The following PCDH11X variants were observed in gnomAD, a reference collection of about 807,000 sequenced individuals.
PCDH11X encodes the protein protocadherin 11 X-linked.
PCDH11X carries 18 observed loss-of-function variants against 53.3 expected under a neutral mutation model. That is an observed-to-expected ratio of 0.34 (90% CI 0.23 to 0.50). PCDH11X has a LOEUF of 0.50. Ranked by LOEUF, PCDH11X falls within the 20% of genes least tolerant of loss-of-function variation. The pLI is 0.98. For synonymous variants in PCDH11X, 279 were observed against 393.3 expected (o/e 0.71, Z 3.44); for missense variants, 570 against 1,032.4 (o/e 0.55, Z 6.14).
chrX:92,138,575 AAATAT>A (rs2065122439), intron 6 of PCDH11X, among the ~76,000 whole-genome samples: 1 of 111,129 alleles, frequency 9.0e-6, no homozygotes, highest in Admixed American at 9.7e-5. Context: ...ATATAATATC[AAATAT>A]AATATATTCT....
chrX:92,130,689 C>T (rs2064956637), intron 6 of PCDH11X, among the ~76,000 whole-genome samples: 1 of 108,201 alleles, frequency 9.2e-6, no homozygotes. Flanking sequence ...GAATCAGTAT[C>T]AATATTATTA....
intron 10 of PCDH11X, among the ~76,000 whole-genome samples, chrX:92,576,009 TATAC>T (rs1379437041): frequency 1.2e-3 from 35 of 30,410 alleles, no homozygotes; most frequent in African/African-American, 6.0e-3. Context: ...TATATATATA[TATAC>T]ACACACACAC....
At chrX:92,321,525 T>C (rs2069209609) in intron 8 of PCDH11X, among the ~76,000 whole-genome samples, 1 of 111,610 alleles carries the variant, frequency 9.0e-6, no homozygotes, top group South Asian at 3.7e-4. Context: ...GCTTATCTCA[T>C]GGCCAGTGCT....
intron 9 of PCDH11X, chrX:92,460,525 T>C (rs953143435): frequency 8.7e-4 from 615 of 710,538 alleles, no homozygotes; most frequent in Non-Finnish European, 9.9e-4. Context: ...CCGCCGAGGT[T>C]GGAGCTGCTG....
chrX:91,882,467 CA>C (rs1939957990), intron 6 of PCDH11X, among the ~76,000 whole-genome samples: 1 of 111,020 alleles, frequency 9.0e-6, no homozygotes, highest in African/African-American at 3.3e-5. Flanking sequence ...GAAGACTATA[CA>C]TTTTAAAAAA....
intron 6 of PCDH11X, among the ~76,000 whole-genome samples, chrX:92,200,357 C>G (rs945063457): frequency 9.0e-6 from 1 of 111,534 alleles, no homozygotes; most frequent in Non-Finnish European, 1.9e-5. Flanking sequence ...CTATGGAAAA[C>G]AGTAAGGATG....
intron 6 of PCDH11X, chrX:91,884,155 C>T (rs1307596450): frequency 1.1e-5 from 1 of 88,911 alleles, no homozygotes; most frequent in Non-Finnish European, 2.1e-5. Context: ...CGTGCCGTTG[C>T]ACTCCAGCGT....
In PCDH11X at chrX:91,972,274, C is replaced by T. The variant is rs756144022; in HGVS notation, c.3033+93001C>T. 1.8e-3 allele frequency among the ~76,000 whole-genome samples: 172 copies of T among 98,070 alleles called. 2 individuals are homozygous for T. Among genetic ancestry groups the T allele is most frequent in the Middle Eastern group, 5.1e-3 (1 of 197 alleles). The allele number at this position is 98,070 out of a possible 115,157, so 85.2% of individuals were successfully genotyped here. On this transcript the variant is annotated intron_variant, in intron 6 of 10. Coordinates refer to ENST00000682573, the MANE Select transcript of PCDH11X (RefSeq NM_032968.5). ...TTGAGAAGTGTCTGTTCATGTCCTT[C>T]GCCCACTTTTTGATGGGGTTGTTTG...
At chrX:91,959,549 T>G (rs2061757946) in intron 6 of PCDH11X, among the ~76,000 whole-genome samples, 1 of 106,614 alleles carries the variant, frequency 9.4e-6, no homozygotes. Flanking sequence ...TCATGCAGTA[T>G]TTTTCTTTCT....
chrX:92,355,679 A>T (rs1319349734), intron 8 of PCDH11X, among the ~76,000 whole-genome samples: 1 of 106,996 alleles, frequency 9.3e-6, no homozygotes, highest in African/African-American at 3.4e-5. Context: ...CAAATATCAT[A>T]GGAGCTATTA....
At chrX:92,093,018 T>A (rs2064074858) in intron 6 of PCDH11X, among the ~76,000 whole-genome samples, 1 of 111,621 alleles carries the variant, frequency 9.0e-6, no homozygotes, top group Non-Finnish European at 1.9e-5. Context: ...CCACTCACTC[T>A]CTTCCTCCTC....
Position 92,611,459 on chromosome X carries a change from T to G in PCDH11X, c.3368-6805T>G, listed in dbSNP as rs1411585674. ...TTTTGTATGCTGAAACTTTGCTAAA[T>G]CTTTTGTGTTCCAGGAGCCTTTCAA... On this transcript the variant is annotated intron_variant, in intron 10 of 10. Transcript: ENST00000682573. Among the ~76,000 whole-genome samples the G allele has an allele frequency of 3.6e-5, 4 of 110,422 alleles. No homozygotes were observed. In the East Asian group the frequency reaches 1.1e-3, roughly 31 times the overall value.
At chrX:92,032,964 G>A (rs1469309977) in intron 6 of PCDH11X, among the ~76,000 whole-genome samples, 4 of 106,422 alleles carry the variant, frequency 3.8e-5, no homozygotes, top group East Asian at 3.0e-4. Flanking sequence ...ACAGGTGTTC[G>A]CCACCATGCC....
At chrX:91,795,259 T>G (rs936411868) in intron 1 of PCDH11X, among the ~76,000 whole-genome samples, 1 of 111,739 alleles carries the variant, frequency 8.9e-6, no homozygotes, top group African/African-American at 3.3e-5. Context: ...TTAACGTGTG[T>G]TTTCCAGAAG....
intron 6 of PCDH11X, among the ~76,000 whole-genome samples, chrX:91,991,152 G>A (rs1210802332): frequency 9.7e-6 from 1 of 103,468 alleles, no homozygotes; most frequent in East Asian, 3.1e-4. Flanking sequence ...CGGGGGCTGG[G>A]GGCTAAGGAT....
intron 10 of PCDH11X, among the ~76,000 whole-genome samples, chrX:92,597,435 A>G (rs967810399): frequency 8.1e-5 from 9 of 111,637 alleles, no homozygotes; most frequent in African/African-American, 2.9e-4. Flanking sequence ...TAATAGCCAC[A>G]CATAAAACTA....
chrX:92,584,493 A>G (rs756045612), intron 10 of PCDH11X, among the ~76,000 whole-genome samples: 3 of 111,611 alleles, frequency 2.7e-5, no homozygotes, highest in East Asian at 2.8e-4. Flanking sequence ...TTTTTCCCAA[A>G]GAAATTAAAC....
chrX:92,590,266 T>A lies in PCDH11X; in HGVS notation c.3368-27998T>A, dbSNP rs748034313. ...AACTCTGACTCCCACATGGGGTGGCTGGCATCATGTCTATTAAACTCTTTC... is the reference window on the plus strand; with the variant it reads ...AACTCTGACTCCCACATGGGGTGGCAGGCATCATGTCTATTAAACTCTTTC... On this transcript the variant is annotated intron_variant, in intron 10 of 10. Coordinates refer to ENST00000682573, the MANE Select transcript of PCDH11X (RefSeq NM_032968.5). Among the ~76,000 whole-genome samples, 4 of 111,178 alleles carry A rather than the reference T, an allele frequency of 3.6e-5. No homozygotes were observed. In the South Asian group the frequency reaches 1.5e-3, roughly 42 times the overall value.
chrX:92,246,347 CT>C (rs1356426080), intron 7 of PCDH11X, among the ~76,000 whole-genome samples: 2 of 109,833 alleles, frequency 1.8e-5, no homozygotes, highest in Non-Finnish European at 3.8e-5. Context: ...TTTTTTTTTA[CT>C]TTTTTGTTGT....
Sources: gnomAD v4.1 joint callset for allele counts (sites outside exome capture counted in the v4.1 genomes callset) on GRCh38, gnomAD v4.1.1 for gene constraint, MANE v1.5 for transcripts, NCBI Gene and HGNC (gene_info 2026-07-23, HGNC 2026-07-21) for gene names.